Variants in ZNF335 observed in about 807,000 individuals in gnomAD.
ZNF335 encodes zinc finger protein 335.
A neutral mutation model predicts 145.6 loss-of-function variants in ZNF335; 84 were observed. That is an observed-to-expected ratio of 0.58 (90% CI 0.48 to 0.69). The LOEUF is 0.69. Ranked by LOEUF, ZNF335 falls within the 30% of genes least tolerant of loss-of-function variation. The pLI is 0.00. For missense variants in ZNF335, 1,865 were observed against 1,809.7 expected, an observed-to-expected ratio of 1.03 and a Z score of -0.55; for synonymous variants, 761 against 717.0, an observed-to-expected ratio of 1.06 and a Z score of -0.98.
Position 45,963,740 on chromosome 20 carries a change from G to T in ZNF335, c.1353C>A (p.Arg451=). Residue 451 remains arginine, a splice_region_variant and synonymous_variant, in exon 8 of 28, where the codon CGC becomes CGA. Coordinates refer to ENST00000322927, the MANE Select transcript of ZNF335 (RefSeq NM_022095.4). ...PSRRFLGKKY[R]KYYYKSPKPL... ...ACCCTCACCTCTGCTCCACATACTT[G>T]CGGTATTTCTTGCCTAGGAAGCGCC... 1 of 1,614,156 alleles carries T rather than the reference G, an allele frequency of 6.2e-7. No homozygotes were observed. The highest frequency in any genetic ancestry group is 8.5e-7 in the Non-Finnish European group (1 of 1,179,994).
rs1400699182 is a variant in ZNF335, at chr20:45,949,529, G to C, written c.3709C>G (p.Leu1237Val). 2 of 1,613,152 alleles carry C rather than the reference G, an allele frequency of 1.2e-6. No homozygotes were observed. The highest frequency in any genetic ancestry group is 1.7e-6 in the Non-Finnish European group (2 of 1,179,854). The change falls in exon 25 of 28, where the codon CTC (leucine) becomes GTC (valine). Residue 1237 changes from leucine to valine, a missense_variant. Coordinates refer to ENST00000322927, the MANE Select transcript of ZNF335 (RefSeq NM_022095.4). Reference protein sequence around the residue: ...IISQDGVQHLLPQEYVVVPEG... With the variant: ...IISQDGVQHLVPQEYVVVPEG... ...GGGACCACAACATATTCCTGGGGGA[G>C]CAGGTGCTGGACACCATCCTGGGAG...
chr20:45,951,616 A>G (rs1028551021), intron 20 of ZNF335, among the ~76,000 whole-genome samples: 1 of 152,226 alleles, frequency 6.6e-6, no homozygotes, highest in Admixed American at 6.5e-5. Context: ...CACAGTTCAC[A>G]ATGGGGCTGT....
rs773162696 is a variant in ZNF335 at position 45,949,355 on chromosome 20, G to A, written c.3797C>T (p.Ala1266Val). Reference protein sequence around the residue: ...QITHIQYEQGAPFLQESQIQY... With the variant: ...QITHIQYEQGVPFLQESQIQY... ...TACCTGGGACTCCTGAAGGAACGGGGCTCCTTGTTCATACTGGATGTGTGT... is the reference window on the plus strand; with the variant it reads ...TACCTGGGACTCCTGAAGGAACGGGACTCCTTGTTCATACTGGATGTGTGT... The change falls in exon 26 of 28, where the codon GCC becomes GTC. Residue 1266 changes from alanine (A) to valine (V), a missense_variant. Ala to Val is a moderately conservative substitution (Grantham distance 64). Transcript: ENST00000322927. 9 of 1,614,162 alleles carry A rather than the reference G, an allele frequency of 5.6e-6. No homozygotes were observed. Among genetic ancestry groups the A allele is most frequent in the East Asian group, 2.2e-5 (1 of 44,890 alleles).
chr20:45,961,708 G>A lies in ZNF335; in HGVS notation c.1646+362C>T, dbSNP rs527311017. 2.4e-3 allele frequency: 467 copies of A among 195,784 alleles called. 2 individuals carry two copies. Among genetic ancestry groups the A allele is most frequent in the Non-Finnish European group, 3.5e-3 (329 of 95,184 alleles). 12.1% of individuals were successfully genotyped at this position (195,784 alleles called of 1,614,324 possible). ...AAGAACTTGTGTTTCTCTGTCTCAGGTGCACTCTCAGCCCTGTGAGAGATG... is the reference window on the plus strand; with the variant it reads ...AAGAACTTGTGTTTCTCTGTCTCAGATGCACTCTCAGCCCTGTGAGAGATG... On this transcript the variant is annotated intron_variant, in intron 10 of 27. Transcript: ENST00000322927.
chr20:45,952,445 C>T lies in ZNF335; in HGVS notation c.2891G>A (p.Cys964Tyr), dbSNP rs148007831. The change falls in exon 20 of 28, where the codon TGT becomes TAT. Residue 964 changes from cysteine to tyrosine, a missense_variant. By Grantham distance (194) the Cys-to-Tyr change is radical (BLOSUM62 -2). Transcript: ENST00000322927. Reference sequence around the variant, plus strand: ...AGGGCCGTCTCTGGGCAGTCCCCCACACTGCAGCAGGGGCCATTTGGCACC... The same window carrying T: ...AGGGCCGTCTCTGGGCAGTCCCCCATACTGCAGCAGGGGCCATTTGGCACC... ...ASGAKWPLLQCGGLPRDGPEP... is the reference protein window; with the variant it reads ...ASGAKWPLLQYGGLPRDGPEP... 3.3e-5 allele frequency: 52 copies of T among 1,567,940 alleles called. No individual in the cohort carries two copies. In the Admixed American group the frequency reaches 7.2e-4, roughly 22 times the overall value.
In ZNF335 at chr20:45,963,876, A is replaced by G; in HGVS notation, c.1217T>C (p.Val406Ala). The G allele has an allele frequency of 6.2e-7, 1 of 1,606,792 alleles. No individual in the cohort carries two copies. The highest frequency in any genetic ancestry group is 8.5e-7 in the Non-Finnish European group (1 of 1,175,464). The part of the protein sequence containing the change: ...GPGHLVAMGK[V>A]SRTPVEAGVS... ...ACCAGCTTCCACAGGGGTCCTGCTC[A>G]CCTTGCCCATGGCCACCAGGTGTCC... The change falls in exon 8 of 28, where the codon GTG (valine) becomes GCG (alanine). Residue 406 changes from valine (V) to alanine (A), a missense_variant. By Grantham distance (64) the Val-to-Ala change is moderately conservative (BLOSUM62 0). Coordinates refer to ENST00000322927, the MANE Select transcript of ZNF335 (RefSeq NM_022095.4).
rs771030476 is a variant in ZNF335 at position 45,959,374 on chromosome 20, G to A, written c.2080C>T (p.Arg694Cys). 34 of 1,576,798 alleles carry A rather than the reference G, an allele frequency of 2.2e-5. No individual in the cohort carries two copies. Among genetic ancestry groups the A allele is most frequent in the South Asian group, 1.5e-4 (13 of 87,590 alleles). ...HFSTRHKKNLRLHVRCRHASS... is the reference protein window; with the variant it reads ...HFSTRHKKNLCLHVRCRHASS... ...GCGTGTCGGCACCGTACGTGCAGGC[G>A]CAGGTTCTTCTTGTGCCGTGTGCTG... Residue 694 changes from arginine to cysteine, a missense_variant, in exon 15 of 28, where the codon CGC becomes TGC. Physicochemically the swap from Arg to Cys is radical, Grantham distance 180. Coordinates refer to ENST00000322927, the MANE Select transcript of ZNF335 (RefSeq NM_022095.4).
In ZNF335 at chr20:45,950,033, T is replaced by C; in HGVS notation, c.3524A>G (p.Glu1175Gly). 2 of 1,614,088 alleles carry C rather than the reference T, an allele frequency of 1.2e-6. No homozygotes were observed. Among genetic ancestry groups the C allele is most frequent in the South Asian group, 2.2e-5 (2 of 91,076 alleles). The change falls in exon 23 of 28, where the codon GAG becomes GGG. Residue 1175 changes from glutamate (E) to glycine (G), a missense_variant. By Grantham distance (98) the Glu-to-Gly change is moderately conservative. Coordinates refer to ENST00000322927, the MANE Select transcript of ZNF335 (RefSeq NM_022095.4). ...LQSSHGVLGPERLQQALSQEH... is the reference protein window; with the variant it reads ...LQSSHGVLGPGRLQQALSQEH... Reference sequence around the variant, plus strand: ...CTGGCTCAGTGCCTGCTGTAGCCGCTCTGGGCCCAGGACCCCGTGACTGGA... The same window carrying C: ...CTGGCTCAGTGCCTGCTGTAGCCGCCCTGGGCCCAGGACCCCGTGACTGGA...
intron 18 of ZNF335, among the ~76,000 whole-genome samples, 198 bp downstream of exon 18, chr20:45,953,491 T>C (rs2083670912): frequency 6.6e-6 from 1 of 152,182 alleles, no homozygotes; most frequent in Non-Finnish European, 1.5e-5. Flanking sequence ...CCATCATGAG[T>C]GCCAAGTGCT....
intron 7 of ZNF335, 87 bp from the exon 8 acceptor site, chr20:45,964,077 C>G: frequency 6.8e-7 from 1 of 1,465,214 alleles, no homozygotes; most frequent in South Asian, 1.4e-5. Context: ...CCAAAATATC[C>G]TCCCACCCAC....
chr20:45,950,429 C>T (rs2083609709), intron 21 of ZNF335, 24 bp downstream of exon 21: 1 of 1,614,018 alleles, frequency 6.2e-7, no homozygotes, highest in Non-Finnish European at 8.5e-7. Flanking sequence ...CCAGCAGTCC[C>T]CACCCACCAG....
In ZNF335 at chr20:45,952,515, C is replaced by T. The variant is rs116247914; in HGVS notation, c.2821G>A (p.Ala941Thr). The change falls in exon 20 of 28, where the codon GCA becomes ACA. Residue 941 changes from alanine (A) to threonine (T), a missense_variant. Physicochemically the swap from Ala to Thr is moderately conservative, Grantham distance 58. Transcript: ENST00000322927. ...GTQLHHIELT[A>T]DGSISFPSPD... ...CTTGGGAAGGAGATGGAGCCATCTGCGGTGAGCTGTAGAGAGACAGGGAGC... is the reference window on the plus strand; with the variant it reads ...CTTGGGAAGGAGATGGAGCCATCTGTGGTGAGCTGTAGAGAGACAGGGAGC... The T allele has an allele frequency of 8.4e-4, 1,336 of 1,582,350 alleles. 17 individuals are homozygous for T. In the African/African-American group the frequency reaches 0.016, roughly 19 times the overall value.
At position 45,950,361 on chromosome 20, in the gene ZNF335, G is replaced by A. The variant is rs559451952; in HGVS notation, c.3345C>T (p.Asn1115=). 1.1e-5 allele frequency: 17 copies of A among 1,594,726 alleles called. No individual in the cohort carries two copies. The highest frequency in any genetic ancestry group is 2.2e-5 in the East Asian group (1 of 44,602). The change falls in exon 22 of 28, where the codon AAC becomes AAT. Residue 1115 remains asparagine (N), a synonymous_variant. Transcript: ENST00000322927. The stretch of plus-strand genomic sequence containing the variant: ...GCTGGATGTGGAACTTGAGGTGCCC[G>A]TTACGGTTGAAACTGAGGGGGATGA... ...CHLCGQRFNR[N]GHLKFHIQRL...
rs753406208 is a variant in ZNF335, at chr20:45,949,950, C to T, written c.3591+16G>A. The T allele has an allele frequency of 6.8e-6, 11 of 1,614,154 alleles. No homozygotes were observed. Among genetic ancestry groups the T allele is most frequent in the South Asian group, 3.3e-5 (3 of 91,086 alleles). On this transcript the variant is annotated intron_variant, in intron 23 of 27. Coordinates refer to ENST00000322927, the MANE Select transcript of ZNF335 (RefSeq NM_022095.4). ...TGCCTGTCGCTGGCCAGAGGGCCCC[C>T]AGTCCTGACTCTTACCTGATTGGTC...
intron 1 of ZNF335, 165 bp from the exon 2 acceptor site, chr20:45,971,625 TGAC>T (rs1289792105): frequency 1.0e-6 from 1 of 985,324 alleles, no homozygotes; most frequent in Non-Finnish European, 1.2e-6. Flanking sequence ...GGGAAAAACT[TGAC>T]GGAGAAGCTG....
chr20:45,961,240 A>T (rs922003952), intron 10 of ZNF335, among the ~76,000 whole-genome samples: 2 of 152,188 alleles, frequency 1.3e-5, no homozygotes, highest in Non-Finnish European at 2.9e-5. Context: ...AATAATAAAA[A>T]GTTAGCCGGG....
At position 45,949,930 on chromosome 20, in the gene ZNF335, G is replaced by A. The variant is rs752641366; in HGVS notation, c.3591+36C>T. 3.7e-6 allele frequency: 6 copies of A among 1,613,910 alleles called. No homozygotes were observed. In the Admixed American group the frequency reaches 8.3e-5, roughly 22 times the overall value. On this transcript the variant is annotated intron_variant, in intron 23 of 27. Transcript: ENST00000322927. Reference sequence around the variant, plus strand: ...CATTTCTCTACCCCAACCCCTGCCTGTCGCTGGCCAGAGGGCCCCCAGTCC... The same window carrying A: ...CATTTCTCTACCCCAACCCCTGCCTATCGCTGGCCAGAGGGCCCCCAGTCC...
intron 15 of ZNF335, 119 bp downstream of exon 15, chr20:45,959,082 G>A (rs1287862163): frequency 1.2e-6 from 1 of 845,874 alleles, no homozygotes; most frequent in African/African-American, 1.7e-5. Context: ...GTGACTCAGT[G>A]AGTTTTTACC....
Position 45,949,509 on chromosome 20 carries a change from C to T in ZNF335, c.3729G>A (p.Val1243=). 1 of 1,613,684 alleles carries T rather than the reference C, an allele frequency of 6.2e-7. No individual in the cohort carries two copies. The highest frequency in any genetic ancestry group is 8.5e-7 in the Non-Finnish European group (1 of 1,179,954). The change falls in exon 25 of 28, where the codon GTG becomes GTA. Residue 1243 remains valine, a synonymous_variant. Transcript: ENST00000322927. ...CCTGGATGTGATGGCCTTCAGGGAC[C>T]ACAACATATTCCTGGGGGAGCAGGT... ...VQHLLPQEYV[V]VPEGHHIQVQ...
Sources: gnomAD v4.1 joint callset for allele counts (sites outside exome capture counted in the v4.1 genomes callset) on GRCh38, gnomAD v4.1.1 for gene constraint, MANE v1.5 for transcripts, NCBI Gene and HGNC (gene_info 2026-07-23, HGNC 2026-07-21) for gene names.